Variants in PCNX1 observed in about 807,000 individuals in gnomAD.
PCNX1 encodes the protein pecanex-like protein 1.
PCNX1 carries 78 observed loss-of-function variants against 242.2 expected under a neutral mutation model. That is an observed-to-expected ratio of 0.32 (90% CI 0.27 to 0.39). The LOEUF (loss-of-function observed/expected upper bound fraction) is 0.39. PCNX1 is among the 10% of genes least tolerant of loss of function. The pLI is 1.00. For synonymous variants in PCNX1, 1,024 were observed against 1,032.9 expected, an observed-to-expected ratio of 0.99 and a Z score of 0.17; for missense variants, 2,581 against 2,856.5, an observed-to-expected ratio of 0.90 and a Z score of 2.20.
intron 2 of PCNX1, among the ~76,000 whole-genome samples, chr14:70,950,532 A>T (rs2526850): frequency 0.7 from 106,889 of 151,970 alleles, 37,600 homozygotes; most frequent in South Asian, 0.77. Flanking sequence ...ATGCACATTT[A>T]TAAGTTTTCC....
intron 10 of PCNX1, chr14:71,011,953 GT>G (rs2140560109): frequency 5.9e-6 from 1 of 170,232 alleles, no homozygotes; most frequent in Non-Finnish European, 1.2e-5. Flanking sequence ...GAAGATGATT[GT>G]TTTATTGTTT....
chr14:71,033,814 G>T, intron 17 of PCNX1, 117 bp from the exon 18 acceptor site: 1 of 647,362 alleles, frequency 1.5e-6, no homozygotes, highest in Non-Finnish European at 2.7e-6. Context: ...TTTCTCATTT[G>T]GTAATGATTA....
At chr14:71,096,960 C>T (rs1433949378) in intron 30 of PCNX1, among the ~76,000 whole-genome samples, 5 of 152,120 alleles carry the variant, frequency 3.3e-5, no homozygotes, top group Non-Finnish European at 7.4e-5. Flanking sequence ...TTCCTTACTT[C>T]TCACCCCATA....
chr14:71,037,694 T>C (rs2060581930), intron 19 of PCNX1, among the ~76,000 whole-genome samples: 1 of 152,016 alleles, frequency 6.6e-6, no homozygotes, highest in African/African-American at 2.4e-5. Context: ...GGTTTGCCAG[T>C]ATTTTATTGA....
At chr14:71,082,477 G>T (rs2061879640) in intron 28 of PCNX1, among the ~76,000 whole-genome samples, 1 of 152,084 alleles carries the variant, frequency 6.6e-6, no homozygotes, top group African/African-American at 2.4e-5. Context: ...CACTATGATT[G>T]TGTGGGAGTC....
At chr14:70,917,453 A>T (rs1402112093) in intron 1 of PCNX1, among the ~76,000 whole-genome samples, 1 of 152,208 alleles carries the variant, frequency 6.6e-6, no homozygotes, top group Non-Finnish European at 1.5e-5. Context: ...AGGCATGAAA[A>T]CAACATTAAT....
In PCNX1 at chr14:71,019,150, C is replaced by T; in HGVS notation, c.3138C>T (p.Tyr1046=). The T allele has an allele frequency of 1.2e-6, 2 of 1,610,518 alleles. No individual in the cohort carries two copies. Among genetic ancestry groups the T allele is most frequent in the Non-Finnish European group, 1.7e-6 (2 of 1,178,154 alleles). ...GCCTCGTCATAGCCAGCTGTCAATA[C>T]TCACTGCTTAAGGTACCAGCATCTC... ...QFCLVIASCQ[Y]SLLKSVQPDS... The change falls in exon 12 of 36, where the codon TAC becomes TAT. Residue 1046 remains tyrosine, a synonymous_variant. Transcript: ENST00000304743.
intron 13 of PCNX1, among the ~76,000 whole-genome samples, chr14:71,024,193 A>G (rs2060178192): frequency 6.6e-6 from 1 of 152,116 alleles, no homozygotes; most frequent in Non-Finnish European, 1.5e-5. Flanking sequence ...TTATCTCTAA[A>G]TATCTCAGTG....
At chr14:70,990,394 C>G (rs1228293626) in intron 7 of PCNX1, among the ~76,000 whole-genome samples, 1 of 145,642 alleles carries the variant, frequency 6.9e-6, no homozygotes, top group African/African-American at 2.7e-5. Context: ...CTCGTCTCTA[C>G]TAAAAATAAA....
At position 71,110,266 on chromosome 14, in the gene PCNX1, A is replaced by G. The variant is rs150452070; in HGVS notation, c.*331A>G. The stretch of plus-strand genomic sequence containing the variant: ...TTAAATCAACAAACTCTTCATTTCT[A>G]AACTATGATCTCATATTTTTCTAAT... On this transcript the variant is annotated 3_prime_UTR_variant, in exon 36 of 36. Transcript: ENST00000304743. The G allele has an allele frequency of 3.0e-6, 1 of 337,726 alleles. No individual in the cohort carries two copies. Among genetic ancestry groups the G allele is most frequent in the East Asian group, 7.5e-5 (1 of 13,254 alleles). The allele number at this position is 337,726 out of a possible 1,614,324, so 20.9% of individuals were successfully genotyped here. A position where few individuals can be genotyped will look rare whatever the true frequency, so the allele number is the denominator to read the frequency against.
chr14:71,086,103 C>A (rs2061982927), intron 28 of PCNX1, among the ~76,000 whole-genome samples: 1 of 152,052 alleles, frequency 6.6e-6, no homozygotes, highest in South Asian at 2.1e-4. Context: ...ACCAGTAATC[C>A]CATTCAGTAT....
At chr14:71,019,761 GTTT>G (rs558459354) in intron 12 of PCNX1, among the ~76,000 whole-genome samples, 8 of 151,290 alleles carry the variant, frequency 5.3e-5, no homozygotes, top group Non-Finnish European at 1.0e-4. Context: ...AATAGTAGTA[GTTT>G]TTTTTATTAT....
intron 20 of PCNX1, 70 bp downstream of exon 20, chr14:71,045,353 CTGAGT>C (rs1200650329): frequency 2.7e-5 from 30 of 1,091,636 alleles, no homozygotes; most frequent in African/African-American, 1.6e-4. Flanking sequence ...TGATAGATGA[CTGAGT>C]TAAGTGAATA....
chr14:70,969,786 A>G (rs992571976), intron 5 of PCNX1: 1 of 152,432 alleles, frequency 6.6e-6, no homozygotes, highest in African/African-American at 2.4e-5. Context: ...CAGCCTGGGC[A>G]ACATGGCGAA....
At chr14:70,946,251 T>C (rs922077302) in intron 1 of PCNX1, among the ~76,000 whole-genome samples, 6 of 152,398 alleles carry the variant, frequency 3.9e-5, no homozygotes, top group Non-Finnish European at 7.3e-5. Context: ...ATGTCTTCCA[T>C]ATCTTACCTG....
intron 11 of PCNX1, among the ~76,000 whole-genome samples, chr14:71,014,519 A>G (rs1260534744): frequency 1.3e-5 from 2 of 152,230 alleles, no homozygotes; most frequent in African/African-American, 2.4e-5. Flanking sequence ...TTAACTACGG[A>G]CATAGAAGAT....
At chr14:70,947,336 C>G (rs952371291) in intron 2 of PCNX1, among the ~76,000 whole-genome samples, 1 of 152,108 alleles carries the variant, frequency 6.6e-6, no homozygotes, top group Non-Finnish European at 1.5e-5. Flanking sequence ...TATTCTTGGC[C>G]TCATTACTAG....
intron 3 of PCNX1, among the ~76,000 whole-genome samples, chr14:70,962,911 C>T (rs1039803360): frequency 3.3e-5 from 5 of 152,192 alleles, no homozygotes; most frequent in African/African-American, 9.6e-5. Context: ...TCCTGCTGTC[C>T]TTCTCAGCAG....
At chr14:71,060,917 G>C (rs899872641) in intron 26 of PCNX1, among the ~76,000 whole-genome samples, 1 of 152,206 alleles carries the variant, frequency 6.6e-6, no homozygotes, top group Admixed American at 6.5e-5. Flanking sequence ...CTAGCTCTGT[G>C]TGATTTTATT....
Sources: gnomAD v4.1 joint callset for allele counts (sites outside exome capture counted in the v4.1 genomes callset) on GRCh38, gnomAD v4.1.1 for gene constraint, MANE v1.5 for transcripts, NCBI Gene and HGNC (gene_info 2026-07-23, HGNC 2026-07-21) for gene names.